Variants in ZMIZ1 observed in about 807,000 individuals in gnomAD.
The protein encoded by ZMIZ1 is zinc finger MIZ-type containing 1, also known as zinc finger MIZ domain-containing protein 1.
ZMIZ1 carries 17 observed loss-of-function variants against 113.9 expected under a neutral mutation model. The observed-to-expected ratio is 0.15, with a 90% CI of 0.10 to 0.22. The LOEUF is 0.22. ZMIZ1 is among the 10% of genes least tolerant of loss of function. The pLI is 1.00. For missense variants in ZMIZ1, 1,059 were observed against 1,477.8 expected (o/e 0.72, Z 4.65); for synonymous variants, 607 against 603.1 (o/e 1.01, Z -0.09).
In ZMIZ1 at chr10:79,310,283, C is replaced by A. The variant is rs554983611; in HGVS notation, c.2836-641C>A. ...AGGGTGTGAAGATGCCCCTGGCTGGCCAGGTGCCCACCCAGCCCTGCTCCT... is the reference window on the plus strand; with the variant it reads ...AGGGTGTGAAGATGCCCCTGGCTGGACAGGTGCCCACCCAGCCCTGCTCCT... On this transcript the variant is annotated intron_variant, in intron 23 of 24. Coordinates refer to ENST00000334512, the MANE Select transcript of ZMIZ1 (RefSeq NM_020338.4). Among the ~76,000 whole-genome samples the A allele has an allele frequency of 9.2e-5, 14 of 152,294 alleles. No individual in the cohort carries two copies. The East Asian group carries it at 2.7e-3, about 29-fold the overall frequency.
chr10:79,210,478 T>C (rs1589428350), intron 6 of ZMIZ1, among the ~76,000 whole-genome samples: 1 of 152,286 alleles, frequency 6.6e-6, no homozygotes, highest in East Asian at 1.9e-4. Context: ...CAGGGACATA[T>C]GCCAGAGCTC....
At chr10:79,304,996 G>A (rs747744910) in intron 19 of ZMIZ1, among the ~76,000 whole-genome samples, 168 bp from the exon 20 acceptor site, 3 of 152,164 alleles carry the variant, frequency 2.0e-5, no homozygotes, top group Non-Finnish European at 4.4e-5. Flanking sequence ...TAAGGACTCT[G>A]CGTGGCAGAA....
At chr10:79,262,200 C>T (rs1273575492) in intron 7 of ZMIZ1, among the ~76,000 whole-genome samples, 1 of 152,246 alleles carries the variant, frequency 6.6e-6, no homozygotes. Flanking sequence ...TGGTCTCGAG[C>T]AGTGGTTCTC....
chr10:79,080,601 G>C (rs1271745296), intron 1 of ZMIZ1, among the ~76,000 whole-genome samples: 2 of 152,130 alleles, frequency 1.3e-5, no homozygotes, highest in African/African-American at 4.8e-5. Flanking sequence ...GAGTCACTGC[G>C]CCGGGCCTCA....
chr10:79,153,499 G>A (rs753894978), intron 3 of ZMIZ1, among the ~76,000 whole-genome samples: 2 of 152,246 alleles, frequency 1.3e-5, no homozygotes, highest in Non-Finnish European at 2.9e-5. Flanking sequence ...GGACTAAAAC[G>A]TGATCGGCAA....
chr10:79,117,506 A>G (rs987315984), intron 1 of ZMIZ1, among the ~76,000 whole-genome samples: 1 of 152,218 alleles, frequency 6.6e-6, no homozygotes, highest in Non-Finnish European at 1.5e-5. Context: ...GTTGTGTGGA[A>G]ACACCAGTTG....
chr10:79,137,826 T>TGG lies in ZMIZ1; in HGVS notation c.-226-1847_-226-1846dup, dbSNP rs58837494. Among the ~76,000 whole-genome samples, 246 of 135,784 alleles carry TGG rather than the reference T, an allele frequency of 1.8e-3. 1 individual carries two copies. Among genetic ancestry groups the TGG allele is most frequent in the African/African-American group, 6.1e-3 (235 of 38,828 alleles). 89.1% of individuals were successfully genotyped at this position (135,784 alleles called of 152,430 possible). ...ACCTCTGAGAGGACGGGCCCTCGGC[T>TGG]GGGGGGGGGGTGCTCCTAGGGTGGG... is the stretch of plus-strand genomic sequence containing the variant. On this transcript the variant is annotated intron_variant, in intron 2 of 24. Coordinates refer to ENST00000334512, the MANE Select transcript of ZMIZ1 (RefSeq NM_020338.4).
At chr10:79,194,646 T>G (rs1213076042) in intron 4 of ZMIZ1, among the ~76,000 whole-genome samples, 4 of 152,162 alleles carry the variant, frequency 2.6e-5, no homozygotes, top group Non-Finnish European at 5.9e-5. Context: ...TCAGAGGGGC[T>G]CCAGCCCAGC....
intron 1 of ZMIZ1, among the ~76,000 whole-genome samples, chr10:79,114,469 G>GTGTGTGTC (rs1431282261): frequency 3.9e-5 from 4 of 101,870 alleles, no homozygotes; most frequent in African/African-American, 1.4e-4. Flanking sequence ...GTGTATGTGT[G>GTGTGTGTC]TGTGTGTCTG....
chr10:79,207,766 C>T (rs1848381601), intron 5 of ZMIZ1, among the ~76,000 whole-genome samples: 1 of 152,134 alleles, frequency 6.6e-6, no homozygotes, highest in Admixed American at 6.5e-5. Flanking sequence ...TGTGGCCTCC[C>T]CCAACCCATC....
At chr10:79,220,609 A>G (rs1848926374) in intron 7 of ZMIZ1, among the ~76,000 whole-genome samples, 1 of 152,092 alleles carries the variant, frequency 6.6e-6, no homozygotes, top group Non-Finnish European at 1.5e-5. Context: ...CTGCCCTCCC[A>G]GGGCTCCCTG....
intron 7 of ZMIZ1, 69 bp downstream of exon 7, chr10:79,216,343 C>T (rs1848729012): frequency 1.5e-6 from 2 of 1,379,060 alleles, no homozygotes; most frequent in Non-Finnish European, 2.0e-6. Context: ...TAAACCATGC[C>T]TGTTTGCTGC....
intron 1 of ZMIZ1, among the ~76,000 whole-genome samples, chr10:79,100,428 AC>A: frequency 7.0e-6 from 1 of 141,902 alleles, no homozygotes; most frequent in East Asian, 2.2e-4. Context: ...CAACATAGAC[AC>A]CATCTCTGAA....
At chr10:79,230,899 T>C (rs570102494) in intron 7 of ZMIZ1, among the ~76,000 whole-genome samples, 30 of 152,278 alleles carry the variant, frequency 2.0e-4, no homozygotes, top group African/African-American at 7.0e-4. Context: ...ACACAGCCCC[T>C]CTAAAGAAGG....
intron 8 of ZMIZ1, among the ~76,000 whole-genome samples, chr10:79,282,390 C>G (rs1439438541): frequency 1.3e-5 from 2 of 152,198 alleles, no homozygotes; most frequent in Non-Finnish European, 2.9e-5. Flanking sequence ...TTTGAAGGCT[C>G]TGGGTCTTTG....
intron 1 of ZMIZ1, among the ~76,000 whole-genome samples, chr10:79,070,670 C>T (rs1291213885): frequency 3.9e-5 from 6 of 152,070 alleles, no homozygotes; most frequent in Non-Finnish European, 5.9e-5. Flanking sequence ...AGAGCGAGGG[C>T]CGCTCCCAGG....
intron 3 of ZMIZ1, among the ~76,000 whole-genome samples, chr10:79,158,291 T>C (rs1470849553): frequency 6.6e-6 from 1 of 152,124 alleles, no homozygotes; most frequent in Non-Finnish European, 1.5e-5. Flanking sequence ...TGCCCTGGTG[T>C]AACCCCTGCC....
intron 4 of ZMIZ1, among the ~76,000 whole-genome samples, chr10:79,165,959 T>TATGTGCGCGCGCGC (rs1564692657): frequency 3.1e-5 from 1 of 32,098 alleles, no homozygotes; most frequent in African/African-American, 2.2e-4. Flanking sequence ...TGTGTGTGTG[T>TATGTGCGCGCGCGC]GTGTGTGTGT....
intron 4 of ZMIZ1, among the ~76,000 whole-genome samples, chr10:79,180,932 G>A (rs951116571): frequency 1.3e-5 from 2 of 152,154 alleles, no homozygotes; most frequent in African/African-American, 2.4e-5. Context: ...ATGCCCTCCC[G>A]CCATGGCCTG....
Sources: allele counts gnomAD v4.1 joint callset (sites outside exome capture counted in the v4.1 genomes callset), GRCh38; gene constraint gnomAD v4.1.1; transcripts MANE v1.5; gene names NCBI Gene and HGNC (gene_info 2026-07-23, HGNC 2026-07-21).